The following TENM3 variants were observed in gnomAD, a reference collection of about 807,000 sequenced individuals.
The protein encoded by TENM3 is teneurin transmembrane protein 3.
A neutral mutation model predicts 255.1 loss-of-function variants in TENM3; 63 were observed. The ratio of observed to expected loss-of-function variants is 0.25; its 90% CI spans 0.20 to 0.30. The LOEUF (loss-of-function observed/expected upper bound fraction) is 0.30. Among genes scored for constraint, TENM3 ranks in the 10% least tolerant of loss-of-function variants. The pLI is 1.00. For synonymous variants in TENM3, 1,306 were observed against 1,322.3 expected (o/e 0.99, Z 0.27); for missense variants, 2,929 against 3,461.1 (o/e 0.85, Z 3.86).
the TENM3 span, among the ~76,000 whole-genome samples, chr4:181,466,525 T>C: frequency 6.6e-6 from 1 of 152,198 alleles, no homozygotes; most frequent in Non-Finnish European, 1.5e-5. Context: ...GTATGTAATT[T>C]ATTCCTATAG....
chr4:181,551,426 T>TTAGG, the TENM3 span, among the ~76,000 whole-genome samples: 1 of 152,198 alleles, frequency 6.6e-6, no homozygotes, highest in Non-Finnish European at 1.5e-5. Flanking sequence ...GGGCTGCTAC[T>TTAGG]TAGGTCTTCC....
At chr4:182,062,814 C>G in the TENM3 span, among the ~76,000 whole-genome samples, 3 of 152,208 alleles carry the variant, frequency 2.0e-5, no homozygotes, top group African/African-American at 7.2e-5. Flanking sequence ...TTAGTATGAA[C>G]TCTGTGAAAG....
At chr4:181,608,067 C>A in the TENM3 span, among the ~76,000 whole-genome samples, 4 of 152,278 alleles carry the variant, frequency 2.6e-5, no homozygotes, top group African/African-American at 4.8e-5. Flanking sequence ...TTGTAAGGTG[C>A]AAACACATCT....
the TENM3 span, among the ~76,000 whole-genome samples, chr4:182,093,888 A>G: frequency 6.6e-6 from 1 of 152,220 alleles, no homozygotes; most frequent in East Asian, 1.9e-4. Flanking sequence ...ATCAAAAAGG[A>G]AAAATGCACT....
intron 3 of TENM3, among the ~76,000 whole-genome samples, chr4:182,534,655 C>G (rs896910106): frequency 6.6e-6 from 1 of 152,076 alleles, no homozygotes; most frequent in Non-Finnish European, 1.5e-5. Flanking sequence ...CTTGTTTCTT[C>G]GAAATATTAA....
At chr4:181,602,888 A>G in the TENM3 span, among the ~76,000 whole-genome samples, 1 of 152,194 alleles carries the variant, frequency 6.6e-6, no homozygotes, top group Non-Finnish European at 1.5e-5. Context: ...CATCTTCTGC[A>G]TACTAAAGTT....
At chr4:181,745,850 C>T in the TENM3 span, among the ~76,000 whole-genome samples, 5 of 152,126 alleles carry the variant, frequency 3.3e-5, no homozygotes, top group Non-Finnish European at 7.4e-5. Flanking sequence ...GGTGAGTGAT[C>T]CCCAGTTTGG....
chr4:181,929,842 G>A, the TENM3 span, among the ~76,000 whole-genome samples: 1 of 152,188 alleles, frequency 6.6e-6, no homozygotes, highest in African/African-American at 2.4e-5. Context: ...AGACCACAGT[G>A]CAATCAAATT....
At chr4:182,366,342 T>C (rs1766429562) in intron 3 of TENM3, among the ~76,000 whole-genome samples, 1 of 151,758 alleles carries the variant, frequency 6.6e-6, no homozygotes, top group Non-Finnish European at 1.5e-5. Flanking sequence ...CTAATTATAT[T>C]TTTTCTTTAT....
chr4:182,099,808 A>T, the TENM3 span, among the ~76,000 whole-genome samples: 1 of 152,162 alleles, frequency 6.6e-6, no homozygotes, highest in Admixed American at 6.5e-5. Flanking sequence ...AGAAGAGAAA[A>T]AGGCAGTAAT....
At chr4:181,725,805 A>G in the TENM3 span, among the ~76,000 whole-genome samples, 4,255 of 152,192 alleles carry the variant, frequency 0.028, 174 homozygotes, top group African/African-American at 0.097. Flanking sequence ...GTGATTACTA[A>G]AGGCTAAGAT....
chr4:182,538,174 A>C (rs555720013), intron 3 of TENM3, among the ~76,000 whole-genome samples: 60 of 152,280 alleles, frequency 3.9e-4, no homozygotes, highest in African/African-American at 1.4e-3. Context: ...CTGTTTACCA[A>C]AGGTGTACCC....
At chr4:182,545,105 C>T (rs763141091) in intron 3 of TENM3, among the ~76,000 whole-genome samples, 1 of 152,098 alleles carries the variant, frequency 6.6e-6, no homozygotes, top group Non-Finnish European at 1.5e-5. Flanking sequence ...AAAAAAAAGT[C>T]GTAGTTTTTA....
At chr4:181,974,791 A>T in the TENM3 span, among the ~76,000 whole-genome samples, 1 of 152,172 alleles carries the variant, frequency 6.6e-6, no homozygotes, top group Non-Finnish European at 1.5e-5. Context: ...CTTTCTTTAA[A>T]ATTATAGATT....
At chr4:182,334,214 G>C (rs1279969232) in intron 2 of TENM3, among the ~76,000 whole-genome samples, 1 of 152,064 alleles carries the variant, frequency 6.6e-6, no homozygotes, top group East Asian at 1.9e-4. Flanking sequence ...AAATTCTTTG[G>C]AATAAATTTT....
At chr4:182,026,331 G>T in the TENM3 span, among the ~76,000 whole-genome samples, 2 of 151,996 alleles carry the variant, frequency 1.3e-5, no homozygotes, top group East Asian at 1.9e-4. Flanking sequence ...CTATATAGTT[G>T]TTTGAGCTCC....
the TENM3 span, among the ~76,000 whole-genome samples, chr4:181,520,593 C>T: frequency 6.6e-6 from 1 of 152,114 alleles, no homozygotes; most frequent in East Asian, 1.9e-4. Context: ...CCACGAAAAC[C>T]ACTTAAATAG....
At chr4:182,638,387 G>A (rs1422686189) in intron 5 of TENM3, among the ~76,000 whole-genome samples, 1 of 152,132 alleles carries the variant, frequency 6.6e-6, no homozygotes, top group African/African-American at 2.4e-5. Flanking sequence ...GCTGTTTGGA[G>A]ATAAGCGTCA....
the TENM3 span, among the ~76,000 whole-genome samples, chr4:181,564,094 G>T: frequency 7.2e-6 from 1 of 138,728 alleles, no homozygotes; most frequent in Admixed American, 7.8e-5. Context: ...AGGCTGGAGT[G>T]CACTGGCAGG....
Sources: allele counts gnomAD v4.1 joint callset (sites outside exome capture counted in the v4.1 genomes callset), GRCh38; gene constraint gnomAD v4.1.1; transcripts MANE v1.5; gene names NCBI Gene and HGNC (gene_info 2026-07-23, HGNC 2026-07-21).